Variants in UNC13A observed in about 807,000 individuals in gnomAD.
The protein encoded by UNC13A is unc-13 homolog A, also known as protein unc-13 homolog A.
In UNC13A, 61 loss-of-function variants were observed where a neutral mutation model predicts 219.7. That is an observed-to-expected ratio of 0.28 (90% CI 0.23 to 0.34). The LOEUF (loss-of-function observed/expected upper bound fraction) is 0.34, where lower values mean the gene tolerates loss of function less well. UNC13A is among the 10% of genes least tolerant of loss of function. The pLI, the probability that UNC13A is intolerant of heterozygous loss-of-function variation, is 1.00. For synonymous variants in UNC13A, 920 were observed against 884.6 expected (o/e 1.04, Z -0.71); for missense variants, 1,476 against 2,270.3 (o/e 0.65, Z 7.11).
intron 42 of UNC13A, among the ~76,000 whole-genome samples, chr19:17,610,579 T>C (rs985728644): frequency 2.6e-5 from 4 of 152,188 alleles, no homozygotes; most frequent in African/African-American, 7.2e-5. Flanking sequence ...CATATGACTA[T>C]GTTTTGGCCA....
At chr19:17,633,739 A>C (rs936505082) in intron 26 of UNC13A, among the ~76,000 whole-genome samples, 1 of 151,558 alleles carries the variant, frequency 6.6e-6, no homozygotes, top group South Asian at 2.1e-4. Context: ...CTATTTATCC[A>C]TCCATCCCTC....
intron 9 of UNC13A, 120 bp downstream of exon 9, chr19:17,657,941 TG>T: frequency 1.0e-6 from 1 of 1,003,576 alleles, no homozygotes; most frequent in Non-Finnish European, 1.5e-6. Flanking sequence ...TCTGCCCTCC[TG>T]GATGGGTGAA....
rs1376358527 is a variant in UNC13A at position 17,649,039 on chromosome 19, CAGGAG to C, written c.1525-61_1525-57del. 9 of 1,517,350 alleles carry C rather than the reference CAGGAG, an allele frequency of 5.9e-6. No homozygotes were observed. The East Asian group carries it at 2.2e-4, about 37-fold the overall frequency. The allele number at this position is 1,517,350 out of a possible 1,614,324, so 94.0% of individuals were successfully genotyped here. ...GGGTTGACATCCATGAGATCACCACCAGGAGAGTTCACAGCCACGGATGGGGCCAG... is the reference window on the plus strand; with the variant it reads ...GGGTTGACATCCATGAGATCACCACCAGTTCACAGCCACGGATGGGGCCAG... On this transcript the variant is annotated intron_variant, in intron 14 of 43. Transcript: ENST00000519716. The surrounding 1 kb of genome is among the most constrained non-coding windows in gnomAD (Gnocchi z 4.4).
At chr19:17,642,622 T>G (rs894873527) in intron 20 of UNC13A, among the ~76,000 whole-genome samples, 1 of 151,864 alleles carries the variant, frequency 6.6e-6, no homozygotes, top group African/African-American at 2.4e-5. Flanking sequence ...TGATGATGAG[T>G]AGTGAGAGTC....
intron 1 of UNC13A, among the ~76,000 whole-genome samples, chr19:17,679,959 G>C (rs953420049): frequency 7.2e-5 from 11 of 152,060 alleles, no homozygotes; most frequent in African/African-American, 2.7e-4. Flanking sequence ...CTGAAGCCAG[G>C]CTCCTGCACT....
chr19:17,639,166 C>T lies in UNC13A; in HGVS notation c.2998G>A (p.Val1000Met). ...PRASQVVKDC[V>M]KACLNSTYEY... ...TAGGTAGAATTAAGGCAGGCTTTCA[C>T]ACAGTCCTTTACCACCTGGCTGGCT... Residue 1000 changes from valine to methionine, a missense_variant, in exon 25 of 44, where the codon GTG becomes ATG. Coordinates refer to ENST00000519716, the MANE Select transcript of UNC13A (RefSeq NM_001080421.3). 6.2e-7 allele frequency: 1 copy of T among 1,614,014 alleles called. No homozygotes were observed. Among genetic ancestry groups the T allele is most frequent in the Non-Finnish European group, 8.5e-7 (1 of 1,179,922 alleles).
chr19:17,606,429 CATTTGCGGGCCACGCCCACACCGG>C (rs2076531222), intron 43 of UNC13A, 75 bp from the exon 44 acceptor site: 1 of 1,501,254 alleles, frequency 6.7e-7, no homozygotes, highest in Admixed American at 2.1e-5. Flanking sequence ...GTCCCCACCG[CATTTGCGGGCCACGCCCACACCGG>C]GGTGCCCACA....
chr19:17,656,490 A>G, intron 9 of UNC13A, 92 bp from the exon 10 acceptor site: 1 of 1,271,020 alleles, frequency 7.9e-7, no homozygotes, highest in South Asian at 1.6e-5. Flanking sequence ...TCACCGACTG[A>G]GCACCTACGA....
At chr19:17,621,737 C>T in intron 37 of UNC13A, 95 bp downstream of exon 37, 1 of 1,357,190 alleles carries the variant, frequency 7.4e-7, no homozygotes, top group Non-Finnish European at 1.0e-6. Context: ...CGACCCCCAG[C>T]TGCCCTTCCT....
intron 37 of UNC13A, among the ~76,000 whole-genome samples, 183 bp downstream of exon 37, chr19:17,621,649 C>T (rs578081335): frequency 1.2e-4 from 19 of 152,156 alleles, no homozygotes; most frequent in Admixed American, 6.5e-4. Context: ...ACACACTGCA[C>T]GTTCTGTCCC....
At chr19:17,618,832 G>T in intron 39 of UNC13A, 74 bp downstream of exon 39, 1 of 1,487,314 alleles carries the variant, frequency 6.7e-7, no homozygotes, top group South Asian at 1.1e-5. Context: ...CCCTCCCCCA[G>T]GATGGTGGCA....
intron 38 of UNC13A, 50 bp downstream of exon 38, chr19:17,620,643 T>TG (rs770400370): frequency 2.8e-5 from 31 of 1,121,746 alleles, no homozygotes; most frequent in African/African-American, 5.0e-5. Context: ...AGGGGTGGGG[T>TG]GGGGGGGAGT....
At chr19:17,670,134 G>A (rs1261419752) in intron 4 of UNC13A, among the ~76,000 whole-genome samples, 1 of 151,748 alleles carries the variant, frequency 6.6e-6, no homozygotes, top group African/African-American at 2.4e-5. Context: ...ATTTAGTAGA[G>A]ACGGGGTTTC....
intron 19 of UNC13A, among the ~76,000 whole-genome samples, chr19:17,644,408 C>T (rs1019453480): frequency 6.7e-5 from 10 of 150,236 alleles, no homozygotes; most frequent in African/African-American, 9.8e-5. Flanking sequence ...AGGCTGGTCT[C>T]GAACTCCTGG....
chr19:17,643,707 C>T (rs1180325641), intron 19 of UNC13A, among the ~76,000 whole-genome samples: 1 of 152,144 alleles, frequency 6.6e-6, no homozygotes, highest in Non-Finnish European at 1.5e-5. Flanking sequence ...TTCCTTAAGC[C>T]CTGTCTCTTC....
chr19:17,648,168 C>T (rs1182622657), intron 16 of UNC13A, among the ~76,000 whole-genome samples: 1 of 151,606 alleles, frequency 6.6e-6, no homozygotes, highest in East Asian at 2.0e-4. Flanking sequence ...TAGCTAGTCC[C>T]TGAGCCCTGC....
intron 34 of UNC13A, among the ~76,000 whole-genome samples, chr19:17,625,174 A>T (rs62119949): frequency 2.6e-5 from 4 of 152,118 alleles, no homozygotes; most frequent in African/African-American, 9.7e-5. Flanking sequence ...AGGGGCCCCA[A>T]TGTCTGGGAG....
At chr19:17,685,606 G>A (rs1427532456) in intron 1 of UNC13A, among the ~76,000 whole-genome samples, 2 of 152,324 alleles carry the variant, frequency 1.3e-5, no homozygotes, top group South Asian at 2.1e-4. Context: ...GTGTGTTGCT[G>A]GGACTATATC....
intron 1 of UNC13A, among the ~76,000 whole-genome samples, chr19:17,680,360 A>T (rs917473258): frequency 1.3e-5 from 2 of 152,106 alleles, no homozygotes; most frequent in African/African-American, 4.8e-5. Context: ...GCTTCGGGTC[A>T]CACGCATGAG....
Sources: allele counts gnomAD v4.1 joint callset (sites outside exome capture counted in the v4.1 genomes callset), GRCh38; gene constraint gnomAD v4.1.1; non-coding constraint Gnocchi (gnomAD v3.1); transcripts MANE v1.5; gene names NCBI Gene and HGNC (gene_info 2026-07-23, HGNC 2026-07-21).